The following FOXP2 variants were observed in gnomAD, a reference collection of about 807,000 sequenced individuals.
The protein encoded by FOXP2 is forkhead box protein P2.
Under a neutral mutation model 115.8 loss-of-function variants are expected in FOXP2, and 12 were observed. The ratio of observed to expected loss-of-function variants is 0.10; its 90% CI spans 0.07 to 0.17. The LOEUF (loss-of-function observed/expected upper bound fraction) is 0.17, where lower values mean the gene tolerates loss of function less well. Ranked by LOEUF, FOXP2 falls within the 10% of genes least tolerant of loss-of-function variation. The pLI is 1.00. For synonymous variants in FOXP2, 328 were observed against 297.7 expected (o/e 1.10, Z -1.05); for missense variants, 629 against 843.5 (o/e 0.75, Z 3.15).
chr7:114,275,042 G>C (rs957525818), intron 1 of FOXP2, among the ~76,000 whole-genome samples: 35 of 151,684 alleles, frequency 2.3e-4, no homozygotes, highest in Non-Finnish European at 1.3e-4. Flanking sequence ...CTTTTTTTCT[G>C]TATAAGTAAG....
At chr7:114,426,366 G>A in intron 1 of FOXP2, 136 bp from the exon 2 acceptor site, 3 of 764,724 alleles carry the variant, frequency 3.9e-6, no homozygotes, top group Admixed American at 4.4e-5. Flanking sequence ...GCTTTCCTTG[G>A]TAAATGACTA....
chr7:114,179,688 A>G (rs1162276310), intron 1 of FOXP2, among the ~76,000 whole-genome samples: 1 of 152,024 alleles, frequency 6.6e-6, no homozygotes, highest in Non-Finnish European at 1.5e-5. Flanking sequence ...TGAACAATTC[A>G]CATCTTTTAA....
At chr7:114,467,869 CTG>C (rs1158238169) in intron 2 of FOXP2, among the ~76,000 whole-genome samples, 1 of 152,146 alleles carries the variant, frequency 6.6e-6, no homozygotes, top group African/African-American at 2.4e-5. Context: ...TCTCTCTACT[CTG>C]GGTTTTCAGA....
At chr7:114,474,665 T>C (rs1796180694) in intron 2 of FOXP2, among the ~76,000 whole-genome samples, 1 of 152,172 alleles carries the variant, frequency 6.6e-6, no homozygotes, top group Admixed American at 6.6e-5. Context: ...CCAAAGGACT[T>C]GCTATAAACC....
chr7:114,157,568 T>A (rs1792703632), intron 1 of FOXP2, among the ~76,000 whole-genome samples: 1 of 152,084 alleles, frequency 6.6e-6, no homozygotes, highest in African/African-American at 2.4e-5. Flanking sequence ...ATGAAAGGCC[T>A]TAGGTTTTAG....
intron 1 of FOXP2, among the ~76,000 whole-genome samples, chr7:114,418,675 TC>T (rs1287175444): frequency 2.2e-5 from 3 of 135,572 alleles, no homozygotes; most frequent in Non-Finnish European, 3.5e-5. Flanking sequence ...AGCTGTGGGT[TC>T]AAAAAAAAAA....
chr7:114,209,971 G>T (rs1227380224), intron 1 of FOXP2, among the ~76,000 whole-genome samples: 1 of 152,112 alleles, frequency 6.6e-6, no homozygotes, highest in Non-Finnish European at 1.5e-5. Flanking sequence ...GTGTTTTTCA[G>T]CTCCATCAGG....
intron 1 of FOXP2, among the ~76,000 whole-genome samples, chr7:114,241,040 G>A (rs1795138132): frequency 6.6e-6 from 1 of 151,732 alleles, no homozygotes; most frequent in African/African-American, 2.4e-5. Flanking sequence ...TTATTATTTT[G>A]TTAAAGGAGT....
At chr7:114,308,770 G>A (rs1188616938) in intron 2 of FOXP2, among the ~76,000 whole-genome samples, 1 of 152,146 alleles carries the variant, frequency 6.6e-6, no homozygotes, top group Non-Finnish European at 1.5e-5. Context: ...TAGGTGGTCC[G>A]TAAAGCTGAA....
At chr7:114,474,310 C>T (rs1237863734) in intron 2 of FOXP2, among the ~76,000 whole-genome samples, 1 of 152,128 alleles carries the variant, frequency 6.6e-6, no homozygotes, top group Non-Finnish European at 1.5e-5. Flanking sequence ...ACTATTTTGT[C>T]TATGTCTTAC....
chr7:114,227,081 A>G (rs1042530732), intron 1 of FOXP2, among the ~76,000 whole-genome samples: 1 of 152,150 alleles, frequency 6.6e-6, no homozygotes, highest in Admixed American at 6.6e-5. Flanking sequence ...CATGACAGTC[A>G]AACAAATTTT....
At chr7:114,394,001 TGTGTGAGAGAGA>T (rs1340286035) in intron 2 of FOXP2, among the ~76,000 whole-genome samples, 3 of 102,388 alleles carry the variant, frequency 2.9e-5, no homozygotes, top group Non-Finnish European at 2.0e-5. Flanking sequence ...TGTGTGTGTG[TGTGTGAGAGAGA>T]GAGAGAGAGA....
At chr7:114,246,925 C>G (rs928385213) in intron 1 of FOXP2, among the ~76,000 whole-genome samples, 3 of 152,062 alleles carry the variant, frequency 2.0e-5, no homozygotes, top group African/African-American at 7.2e-5. Flanking sequence ...TTGTGGTGGA[C>G]TATATTGTAT....
At chr7:114,638,602 C>G (rs1347025359) in intron 6 of FOXP2, among the ~76,000 whole-genome samples, 1 of 152,094 alleles carries the variant, frequency 6.6e-6, no homozygotes, top group Non-Finnish European at 1.5e-5. Context: ...AAAGCTTTGT[C>G]CCAAGAGCAA....
intron 2 of FOXP2, among the ~76,000 whole-genome samples, chr7:114,292,875 G>A (rs1359567526): frequency 6.6e-6 from 1 of 152,236 alleles, no homozygotes. Flanking sequence ...TAGAACAGTG[G>A]TCTAACAGCC....
intron 1 of FOXP2, among the ~76,000 whole-genome samples, chr7:114,151,906 G>A (rs1334262538): frequency 6.6e-6 from 1 of 152,050 alleles, no homozygotes; most frequent in Non-Finnish European, 1.5e-5. Context: ...GGAAAAAGTA[G>A]CCTCTTATCT....
intron 2 of FOXP2, among the ~76,000 whole-genome samples, chr7:114,460,525 G>A (rs1298399718): frequency 6.6e-6 from 1 of 152,124 alleles, no homozygotes; most frequent in East Asian, 1.9e-4. Flanking sequence ...TAGTGCAGAG[G>A]TAAGAATGTT....
intron 3 of FOXP2, among the ~76,000 whole-genome samples, chr7:114,566,349 G>A (rs1801019661): frequency 6.6e-6 from 1 of 152,024 alleles, no homozygotes; most frequent in African/African-American, 2.4e-5. Context: ...CCCCAGTGTT[G>A]GAGGTGGGGC....
chr7:114,379,220 G>A (rs964276822), intron 2 of FOXP2, among the ~76,000 whole-genome samples: 4 of 152,152 alleles, frequency 2.6e-5, no homozygotes, highest in African/African-American at 9.7e-5. Context: ...CCCTCCCACT[G>A]TGCTCTCAGG....
Sources: gnomAD v4.1 joint callset for allele counts (sites outside exome capture counted in the v4.1 genomes callset) on GRCh38, gnomAD v4.1.1 for gene constraint, MANE v1.5 for transcripts, NCBI Gene and HGNC (gene_info 2026-07-23, HGNC 2026-07-21) for gene names.